CEP83: variants seen among roughly 807,000 people sequenced by gnomAD.
CEP83 encodes centrosomal protein of 83 kDa.
CEP83 carries 70 observed loss-of-function variants against 101.9 expected under a neutral mutation model. That is an observed-to-expected ratio of 0.69 (90% CI 0.57 to 0.84). The LOEUF (loss-of-function observed/expected upper bound fraction) is 0.84, where lower values mean the gene tolerates loss of function less well. Among genes scored for constraint, CEP83 ranks in the 40% least tolerant of loss-of-function variants. The probability of loss-of-function intolerance (pLI) is 0.00; values close to 1 mark genes in which losing one functional copy is unlikely to be tolerated. For synonymous variants in CEP83, 264 were observed against 267.9 expected (o/e 0.99, Z 0.14); for missense variants, 715 against 787.2 (o/e 0.91, Z 1.10).
chr12:94,419,157 CAGAT>C (rs1458349200), intron 2 of CEP83, among the ~76,000 whole-genome samples: 3 of 151,858 alleles, frequency 2.0e-5, no homozygotes, highest in Non-Finnish European at 4.4e-5. Context: ...GCAAGATTGG[CAGAT>C]AGAGCAATAT....
At chr12:94,347,582 A>T (rs1440813780) in intron 11 of CEP83, among the ~76,000 whole-genome samples, 1 of 152,248 alleles carries the variant, frequency 6.6e-6, no homozygotes, top group Non-Finnish European at 1.5e-5. Flanking sequence ...AAATAAAAAC[A>T]TATTTCCACA....
chr12:94,417,661 C>T (rs1312626673), intron 2 of CEP83, among the ~76,000 whole-genome samples: 1 of 151,932 alleles, frequency 6.6e-6, no homozygotes, highest in Non-Finnish European at 1.5e-5. Context: ...TGGTGGTGCA[C>T]GTCTGTCATC....
intron 1 of CEP83, among the ~76,000 whole-genome samples, chr12:94,445,776 T>C (rs1341803239): frequency 1.3e-5 from 2 of 152,166 alleles, no homozygotes; most frequent in South Asian, 2.1e-4. Flanking sequence ...ATGTGCACAT[T>C]AGATTCACTG....
At chr12:94,411,323 T>C (rs1436150686) in intron 4 of CEP83, among the ~76,000 whole-genome samples, 1 of 152,166 alleles carries the variant, frequency 6.6e-6, no homozygotes, top group Non-Finnish European at 1.5e-5. Context: ...TCTTTAAGAA[T>C]AGCTGTCCTT....
chr12:94,407,419 C>T (rs2137697153), intron 4 of CEP83, among the ~76,000 whole-genome samples: 1 of 152,356 alleles, frequency 6.6e-6, no homozygotes, highest in South Asian at 2.1e-4. Flanking sequence ...CCTGTGCTCA[C>T]TACCCTGTAG....
At position 94,331,759 on chromosome 12, in the gene CEP83, CTCTG is replaced by C; in HGVS notation, c.1644_1647del (p.Asp548GlufsTer30). On this transcript the variant is annotated frameshift_variant, in exon 14 of 17. Coordinates refer to ENST00000397809, the MANE Select transcript of CEP83 (RefSeq NM_016122.3). LOFTEE classifies it high-confidence loss of function. ...TCCTTAGCTTGATTGTACTTTTCTT[CTCTG>C]TCTGTGATACGCTCATGAAGCTTAT... is the stretch of plus-strand genomic sequence containing the variant. 1 of 1,613,982 alleles carries C rather than the reference CTCTG, an allele frequency of 6.2e-7. No homozygotes were observed. The highest frequency in any genetic ancestry group is 8.5e-7 in the Non-Finnish European group (1 of 1,179,870).
At chr12:94,354,753 T>G (rs997320216) in intron 11 of CEP83, among the ~76,000 whole-genome samples, 2 of 152,214 alleles carry the variant, frequency 1.3e-5, no homozygotes, top group Non-Finnish European at 2.9e-5. Flanking sequence ...GGCTCACACC[T>G]GTAATCCCAA....
chr12:94,365,533 G>A (rs1410544717), intron 11 of CEP83, among the ~76,000 whole-genome samples: 1 of 152,164 alleles, frequency 6.6e-6, no homozygotes, highest in African/African-American at 2.4e-5. Context: ...ACTCTGGGAG[G>A]CCGAGGTGGG....
chr12:94,446,443 C>T (rs1461510970), intron 1 of CEP83, among the ~76,000 whole-genome samples: 1 of 152,158 alleles, frequency 6.6e-6, no homozygotes, highest in Non-Finnish European at 1.5e-5. Flanking sequence ...GGCGTGGTGG[C>T]TCATGCCTGT....
At chr12:94,358,916 A>G (rs1010349050) in intron 11 of CEP83, among the ~76,000 whole-genome samples, 1 of 152,260 alleles carries the variant, frequency 6.6e-6, no homozygotes, top group Admixed American at 6.5e-5. Flanking sequence ...ATGGCCATAA[A>G]GTCCAAGCTG....
intron 1 of CEP83, among the ~76,000 whole-genome samples, chr12:94,451,450 T>C: frequency 6.9e-6 from 1 of 144,610 alleles, no homozygotes; most frequent in Admixed American, 7.0e-5. Flanking sequence ...TAAAGAACTC[T>C]TACAACTCAG....
chr12:94,312,235 TAAA>T (rs1462711564), intron 15 of CEP83, among the ~76,000 whole-genome samples: 1 of 152,148 alleles, frequency 6.6e-6, no homozygotes, highest in Non-Finnish European at 1.5e-5. Context: ...GAATGTTCTT[TAAA>T]AAACAATTGT....
At chr12:94,286,331 G>A in the CEP83 span, among the ~76,000 whole-genome samples, 2 of 152,120 alleles carry the variant, frequency 1.3e-5, no homozygotes, top group Non-Finnish European at 2.9e-5. Context: ...TGTTCTCTAT[G>A]CCTGGACCAT....
downstream of CEP83, chr12:94,303,873 G>T (rs1250871447): frequency 6.2e-7 from 1 of 1,609,090 alleles, no homozygotes; most frequent in African/African-American, 1.3e-5. Context: ...AGAAATGGAA[G>T]AATTTTTAAC....
intron 11 of CEP83, among the ~76,000 whole-genome samples, chr12:94,355,701 T>C (rs1304271345): frequency 6.6e-6 from 1 of 152,164 alleles, no homozygotes; most frequent in African/African-American, 2.4e-5. Flanking sequence ...GCTGGAAGGT[T>C]GTGGGTTTAC....
At chr12:94,304,042 T>C, downstream of CEP83, 2 of 1,533,050 alleles carry the variant, frequency 1.3e-6, no homozygotes, top group Non-Finnish European at 1.8e-6. Flanking sequence ...TCGTAAAATA[T>C]TTTGATGAGG....
intron 14 of CEP83, chr12:94,328,333 A>G: frequency 3.3e-6 from 1 of 301,864 alleles, no homozygotes; most frequent in South Asian, 2.9e-5. Context: ...TCAACACAAC[A>G]AAACATCATT....
At chr12:94,395,149 C>T (rs921984976) in intron 6 of CEP83, among the ~76,000 whole-genome samples, 3 of 151,774 alleles carry the variant, frequency 2.0e-5, no homozygotes, top group Admixed American at 1.3e-4. Flanking sequence ...ATAAATTATG[C>T]TACTATAAAG....
intron 16 of CEP83, 127 bp downstream of exon 16, chr12:94,309,791 A>G (rs1969559701): frequency 1.9e-6 from 1 of 522,408 alleles, no homozygotes; most frequent in Non-Finnish European, 3.3e-6. Flanking sequence ...TTAAATGTTT[A>G]TGCCATTTTT....
Sources: gnomAD v4.1 joint callset for allele counts (sites outside exome capture counted in the v4.1 genomes callset) on GRCh38, gnomAD v4.1.1 for gene constraint, MANE v1.5 for transcripts, NCBI Gene and HGNC (gene_info 2026-07-23, HGNC 2026-07-21) for gene names.